The following TMEM117 variants were observed in gnomAD, a reference collection of about 807,000 sequenced individuals.
TMEM117 encodes transmembrane protein 117.
In TMEM117, 27 loss-of-function variants were observed where a neutral mutation model predicts 52.4. The ratio of observed to expected loss-of-function variants is 0.51; its 90% CI spans 0.38 to 0.71. The LOEUF (loss-of-function observed/expected upper bound fraction) is 0.71. Ranked by LOEUF, TMEM117 falls within the 30% of genes least tolerant of loss-of-function variation. The probability of loss-of-function intolerance (pLI) is 0.00; values close to 1 mark genes in which losing one functional copy is unlikely to be tolerated. For missense variants in TMEM117, 556 were observed against 630.5 expected (o/e 0.88, Z 1.26); for synonymous variants, 215 against 206.3 (o/e 1.04, Z -0.36).
At chr12:44,080,015 C>CA (rs747963448) in intron 3 of TMEM117, among the ~76,000 whole-genome samples, 1,910 of 57,568 alleles carry the variant, frequency 0.033, 46 homozygotes, top group South Asian at 0.092. Flanking sequence ...AACTCCATCT[C>CA]AAAAAAAAAA....
intron 2 of TMEM117, among the ~76,000 whole-genome samples, chr12:43,886,934 G>T (rs901435391): frequency 6.6e-6 from 1 of 151,972 alleles, no homozygotes; most frequent in Non-Finnish European, 1.5e-5. Context: ...TGCAACTTCT[G>T]CCTCCTGGGT....
intron 3 of TMEM117, among the ~76,000 whole-genome samples, chr12:44,023,386 T>C (rs1703906628): frequency 6.6e-6 from 1 of 152,148 alleles, no homozygotes. Context: ...TCTAGATCCC[T>C]GAGGAATCCC....
intron 6 of TMEM117, among the ~76,000 whole-genome samples, chr12:44,356,815 T>C (rs923988593): frequency 6.6e-6 from 1 of 152,158 alleles, no homozygotes; most frequent in Non-Finnish European, 1.5e-5. Flanking sequence ...ATGTCTTGTC[T>C]GGACTTTTGC....
intron 4 of TMEM117, among the ~76,000 whole-genome samples, chr12:44,187,062 A>T (rs1236880051): frequency 6.6e-6 from 1 of 152,170 alleles, no homozygotes; most frequent in African/African-American, 2.4e-5. Flanking sequence ...AGCCATCCTT[A>T]CTTAATTCTC....
intron 2 of TMEM117, among the ~76,000 whole-genome samples, chr12:43,863,872 T>G (rs1393130061): frequency 6.6e-6 from 1 of 152,144 alleles, no homozygotes; most frequent in Non-Finnish European, 1.5e-5. Flanking sequence ...TGGAGCTGGC[T>G]CCCTTGGCTT....
intron 3 of TMEM117, among the ~76,000 whole-genome samples, chr12:44,119,075 T>C (rs1474077049): frequency 2.0e-5 from 3 of 152,230 alleles, no homozygotes; most frequent in Non-Finnish European, 4.4e-5. Flanking sequence ...AAGTAGCTTG[T>C]GTGGAATTAT....
At chr12:44,373,642 G>C (rs545095789) in intron 6 of TMEM117, among the ~76,000 whole-genome samples, 1 of 152,052 alleles carries the variant, frequency 6.6e-6, no homozygotes, top group South Asian at 2.1e-4. Context: ...TTGTGAGGCT[G>C]ACATATTTAA....
chr12:44,238,352 C>T (rs1410797650), intron 5 of TMEM117, among the ~76,000 whole-genome samples: 1 of 151,970 alleles, frequency 6.6e-6, no homozygotes, highest in Non-Finnish European at 1.5e-5. Flanking sequence ...TAATAGTAAA[C>T]TCTCAGTAAA....
rs1285646814 is a variant in TMEM117, at chr12:44,389,209, T to C, written c.*537T>C. On this transcript the variant is annotated 3_prime_UTR_variant, in exon 8 of 8. Transcript: ENST00000266534. ...CTGCAGAGAAACATGGTGATCACCTTTTAATTTTTATTGGCTGTCTGCCAA... is the reference window on the plus strand; with the variant it reads ...CTGCAGAGAAACATGGTGATCACCTCTTAATTTTTATTGGCTGTCTGCCAA... The C allele has an allele frequency of 6.5e-6, 1 of 154,750 alleles. No individual in the cohort carries two copies. Among genetic ancestry groups the C allele is most frequent in the Non-Finnish European group, 1.4e-5 (1 of 69,416 alleles). 9.6% of individuals were successfully genotyped at this position (154,750 alleles called of 1,614,324 possible).
intron 3 of TMEM117, among the ~76,000 whole-genome samples, chr12:44,127,163 A>G (rs1948339102): frequency 6.6e-6 from 1 of 152,222 alleles, no homozygotes; most frequent in Non-Finnish European, 1.5e-5. Flanking sequence ...TTCTAAAATT[A>G]GGATCATAGA....
In TMEM117 at chr12:44,194,324, A is replaced by T. The variant is rs540227604; in HGVS notation, c.511-16966A>T. ...CAAATGGAACTGAAATTCTGGAAAA[A>T]TTTCCATAATATTTGGGAAGGAGGG... is the stretch of plus-strand genomic sequence containing the variant. On this transcript the variant is annotated intron_variant, in intron 4 of 7. Coordinates refer to ENST00000266534, the MANE Select transcript of TMEM117 (RefSeq NM_032256.3). 9.8e-5 allele frequency among the ~76,000 whole-genome samples: 15 copies of T among 152,338 alleles called. No individual in the cohort carries two copies. The East Asian group carries it at 1.9e-3, about 20-fold the overall frequency.
At chr12:43,855,172 A>G (rs1244281815) in intron 2 of TMEM117, among the ~76,000 whole-genome samples, 7 of 152,244 alleles carry the variant, frequency 4.6e-5, no homozygotes, top group African/African-American at 1.7e-4. Flanking sequence ...GGTTTTGCGA[A>G]TAAATTAGTT....
At chr12:44,102,763 C>T (rs753662569) in intron 3 of TMEM117, among the ~76,000 whole-genome samples, 4 of 151,934 alleles carry the variant, frequency 2.6e-5, no homozygotes, top group Non-Finnish European at 5.9e-5. Flanking sequence ...TGTCCCCACC[C>T]AAATCTCATC....
chr12:43,855,746 C>T (rs1943389418), intron 2 of TMEM117, among the ~76,000 whole-genome samples: 2 of 152,254 alleles, frequency 1.3e-5, no homozygotes, highest in South Asian at 4.1e-4. Flanking sequence ...AATATTTTGT[C>T]ATTTAATGAA....
At chr12:44,152,145 A>G (rs1948741108) in intron 4 of TMEM117, among the ~76,000 whole-genome samples, 1 of 111,898 alleles carries the variant, frequency 8.9e-6, no homozygotes, top group Non-Finnish European at 1.6e-5. Flanking sequence ...TATTATTTAT[A>G]TATTTATATT....
chr12:44,093,941 A>C (rs1947714615), intron 3 of TMEM117, among the ~76,000 whole-genome samples: 1 of 152,076 alleles, frequency 6.6e-6, no homozygotes. Flanking sequence ...ATGATTTAAT[A>C]TTGTTAATTT....
intron 4 of TMEM117, among the ~76,000 whole-genome samples, chr12:44,157,149 AT>A (rs2138243362): frequency 6.6e-6 from 1 of 152,288 alleles, no homozygotes; most frequent in South Asian, 2.1e-4. Flanking sequence ...ATAAAGTGTC[AT>A]CTACATAAAC....
intron 5 of TMEM117, among the ~76,000 whole-genome samples, chr12:44,277,069 G>A (rs1368316078): frequency 6.6e-6 from 1 of 151,980 alleles, no homozygotes; most frequent in Non-Finnish European, 1.5e-5. Context: ...TGAAATTTTG[G>A]GAAAAGAGGT....
chr12:44,127,906 G>GTCTT, intron 3 of TMEM117, among the ~76,000 whole-genome samples: 2 of 152,284 alleles, frequency 1.3e-5, no homozygotes, highest in African/African-American at 4.8e-5. Context: ...GTATGCCAAT[G>GTCTT]TCTGTCTGTC....
Sources: gnomAD v4.1 joint callset for allele counts (sites outside exome capture counted in the v4.1 genomes callset) on GRCh38, gnomAD v4.1.1 for gene constraint, MANE v1.5 for transcripts, NCBI Gene and HGNC (gene_info 2026-07-23, HGNC 2026-07-21) for gene names.